SPAG16: variants seen among roughly 807,000 people sequenced by gnomAD.
SPAG16 encodes the protein sperm-associated antigen 16 protein.
A neutral mutation model predicts 80.4 loss-of-function variants in SPAG16; 86 were observed. The observed-to-expected ratio is 1.07, with a 90% CI of 0.90 to 1.28. The LOEUF (loss-of-function observed/expected upper bound fraction) is 1.28, where lower values mean the gene tolerates loss of function less well. Ranked by LOEUF, SPAG16 falls within the 50% of genes most tolerant of loss-of-function variation. The pLI is 0.00. For synonymous variants in SPAG16, 294 were observed against 265.9 expected, an observed-to-expected ratio of 1.11 and a Z score of -1.03; for missense variants, 870 against 765.3, an observed-to-expected ratio of 1.14 and a Z score of -1.61.
At chr2:213,768,849 C>A (rs1213010613) in intron 10 of SPAG16, among the ~76,000 whole-genome samples, 1 of 151,966 alleles carries the variant, frequency 6.6e-6, no homozygotes, top group South Asian at 2.1e-4. Context: ...GAGAGGAATG[C>A]CTAGAACAAT....
intron 1 of SPAG16, among the ~76,000 whole-genome samples, chr2:213,293,835 A>G (rs1319557817): frequency 6.6e-6 from 1 of 152,182 alleles, no homozygotes; most frequent in Non-Finnish European, 1.5e-5. Context: ...TGTACAACAT[A>G]TTTTGATTTA....
chr2:214,079,306 C>G (rs2051244487), intron 13 of SPAG16, among the ~76,000 whole-genome samples: 1 of 152,078 alleles, frequency 6.6e-6, no homozygotes, highest in African/African-American at 2.4e-5. Context: ...ATGTAGGGCA[C>G]CATTTAAGAA....
At chr2:213,485,005 T>C (rs1008478022) in intron 9 of SPAG16, among the ~76,000 whole-genome samples, 5 of 152,078 alleles carry the variant, frequency 3.3e-5, no homozygotes, top group African/African-American at 1.2e-4. Flanking sequence ...TTTTCTTTTT[T>C]TTTTTTGAGA....
chr2:213,451,932 C>G (rs760877578), intron 9 of SPAG16, among the ~76,000 whole-genome samples: 19 of 151,148 alleles, frequency 1.3e-4, no homozygotes, highest in Non-Finnish European at 2.2e-4. Context: ...CCCCATACCC[C>G]GACCCCCACC....
intron 10 of SPAG16, among the ~76,000 whole-genome samples, chr2:213,731,084 C>A (rs2067010151): frequency 1.3e-5 from 2 of 151,432 alleles, no homozygotes; most frequent in African/African-American, 4.8e-5. Context: ...CCACTAGAGT[C>A]CTTAATATAT....
intron 15 of SPAG16, among the ~76,000 whole-genome samples, chr2:214,180,844 A>G (rs1230437342): frequency 6.6e-6 from 1 of 151,704 alleles, no homozygotes; most frequent in African/African-American, 2.4e-5. Context: ...AAGTTCTCAC[A>G]TTGGGCTAGA....
chr2:213,354,563 T>G (rs991848135), intron 7 of SPAG16, among the ~76,000 whole-genome samples: 24 of 152,246 alleles, frequency 1.6e-4, no homozygotes, highest in African/African-American at 5.3e-4. Context: ...TTCCTGACTT[T>G]TTAATGATCG....
At chr2:214,337,627 T>G (rs1390544243) in intron 15 of SPAG16, among the ~76,000 whole-genome samples, 3 of 152,136 alleles carry the variant, frequency 2.0e-5, no homozygotes, top group African/African-American at 4.8e-5. Context: ...CTATGGGTAT[T>G]TTTTACAGGA....
At chr2:213,955,901 A>G (rs1030075725) in intron 12 of SPAG16, among the ~76,000 whole-genome samples, 3 of 151,968 alleles carry the variant, frequency 2.0e-5, no homozygotes, top group African/African-American at 4.8e-5. Context: ...GTTCATCTAG[A>G]TAAAAGTTTG....
chr2:213,572,095 CT>C (rs2059932260), intron 10 of SPAG16, among the ~76,000 whole-genome samples: 1 of 118,324 alleles, frequency 8.5e-6, no homozygotes, highest in African/African-American at 4.2e-5. Context: ...CCATCAGCTC[CT>C]TTAAGCACTT....
chr2:213,662,084 C>A (rs188287066), intron 10 of SPAG16, among the ~76,000 whole-genome samples: 1 of 151,986 alleles, frequency 6.6e-6, no homozygotes, highest in East Asian at 1.9e-4. Flanking sequence ...CTTCTCCAGG[C>A]CAGATACTAG....
At chr2:213,946,392 CGTG>C (rs2079473505) in intron 12 of SPAG16, among the ~76,000 whole-genome samples, 51 of 152,098 alleles carry the variant, frequency 3.4e-4, no homozygotes, top group African/African-American at 9.4e-4. Flanking sequence ...GGATTACAGG[CGTG>C]AGCCACTGTG....
intron 15 of SPAG16, among the ~76,000 whole-genome samples, chr2:214,229,349 G>A (rs1912180): frequency 6.6e-6 from 1 of 151,502 alleles, no homozygotes; most frequent in African/African-American, 2.4e-5. Context: ...CATAAAAATA[G>A]CTAAAGATGT....
At chr2:213,500,760 G>A (rs1442360985) in intron 10 of SPAG16, among the ~76,000 whole-genome samples, 1 of 152,194 alleles carries the variant, frequency 6.6e-6, no homozygotes, top group Non-Finnish European at 1.5e-5. Context: ...TGAGAGCGGA[G>A]ATAAACTAGT....
At chr2:213,630,253 A>C (rs78918877) in intron 10 of SPAG16, among the ~76,000 whole-genome samples, 3,785 of 152,176 alleles carry the variant, frequency 0.025, 66 homozygotes, top group African/African-American at 0.043. Flanking sequence ...GCATGGTGGC[A>C]GATGCCTGCA....
At chr2:214,288,808 A>C (rs898206417) in intron 15 of SPAG16, among the ~76,000 whole-genome samples, 9 of 123,260 alleles carry the variant, frequency 7.3e-5, no homozygotes, top group Non-Finnish European at 1.4e-4. Flanking sequence ...TCGCTCTGTC[A>C]CCCAGGCTGG....
chr2:214,092,654 A>G (rs994422509), intron 13 of SPAG16, among the ~76,000 whole-genome samples: 7 of 152,026 alleles, frequency 4.6e-5, no homozygotes, highest in African/African-American at 1.7e-4. Flanking sequence ...TAACTTATTC[A>G]TATTTTATAC....
At chr2:213,812,434 G>T (rs1409153655) in intron 10 of SPAG16, among the ~76,000 whole-genome samples, 1 of 152,160 alleles carries the variant, frequency 6.6e-6, no homozygotes, top group East Asian at 1.9e-4. Flanking sequence ...AATCGGCAAA[G>T]ATAAGGACAG....
At chr2:214,347,537 G>A (rs1698133781) in intron 15 of SPAG16, among the ~76,000 whole-genome samples, 1 of 152,160 alleles carries the variant, frequency 6.6e-6, no homozygotes, top group South Asian at 2.1e-4. Context: ...AAGGACTTAA[G>A]GTGGCGCCTC....
Sources: allele counts gnomAD v4.1 joint callset (sites outside exome capture counted in the v4.1 genomes callset), GRCh38; gene constraint gnomAD v4.1.1; transcripts MANE v1.5; gene names NCBI Gene and HGNC (gene_info 2026-07-23, HGNC 2026-07-21).